The following TRPV3 variants were observed in gnomAD, a reference collection of about 807,000 sequenced individuals.
TRPV3 encodes the protein VRL-3.
In TRPV3, 88 loss-of-function variants were observed where a neutral mutation model predicts 87.1. That is an observed-to-expected ratio of 1.01 (90% CI 0.85 to 1.21). The LOEUF is 1.21. TRPV3 is among the 50% of genes most tolerant of loss of function. The pLI is 0.00. For synonymous variants in TRPV3, 438 were observed against 423.3 expected (o/e 1.03, Z -0.43); for missense variants, 1,054 against 1,030.1 (o/e 1.02, Z -0.32).
intron 12 of TRPV3, among the ~76,000 whole-genome samples, chr17:3,526,013 T>C (rs907824169): frequency 1.3e-5 from 2 of 152,186 alleles, no homozygotes; most frequent in Non-Finnish European, 1.5e-5. Context: ...ACATCCATTA[T>C]GCAGACATCT....
intron 6 of TRPV3, among the ~76,000 whole-genome samples, chr17:3,537,958 G>C (rs1331036757): frequency 2.7e-5 from 4 of 150,792 alleles, no homozygotes; most frequent in African/African-American, 9.8e-5. Flanking sequence ...CAGCACTTTG[G>C]GAGGCTGAGG....
chr17:3,536,116 C>T (rs1336950162), intron 6 of TRPV3, among the ~76,000 whole-genome samples: 4 of 152,190 alleles, frequency 2.6e-5, no homozygotes, highest in Non-Finnish European at 5.9e-5. Context: ...CCTGGGACCT[C>T]AGAAGTTTAG....
intron 8 of TRPV3, among the ~76,000 whole-genome samples, chr17:3,531,413 C>A (rs906237005): frequency 1.3e-4 from 20 of 151,728 alleles, no homozygotes; most frequent in African/African-American, 4.8e-5. Flanking sequence ...AAGGCCAGGT[C>A]TCTCCGCCCC....
chr17:3,519,569 GATGGATGATTAA>G lies in TRPV3; in HGVS notation c.1811-731_1811-720del, dbSNP rs142630716. ...GGATGGACCAATTGATCGATGGATG[GATGGATGATTAA>G]ATGGATGAATGGATGGATGACTGGA... On this transcript the variant is annotated intron_variant, in intron 14 of 17. Transcript: ENST00000576742. 6.7e-3 allele frequency among the ~76,000 whole-genome samples: 881 copies of G among 132,276 alleles called. 2 individuals carry two copies. The highest frequency in any genetic ancestry group is 8.5e-3 in the Middle Eastern group (2 of 234). 86.8% of individuals were successfully genotyped at this position (132,276 alleles called of 152,430 possible).
intron 13 of TRPV3, among the ~76,000 whole-genome samples, 179 bp from the exon 14 acceptor site, chr17:3,521,218 C>A (rs2074242686): frequency 6.7e-6 from 1 of 150,240 alleles, no homozygotes; most frequent in Admixed American, 6.8e-5. Flanking sequence ...GATCCTGCCT[C>A]CTCCAGGAAG....
intron 13 of TRPV3, among the ~76,000 whole-genome samples, chr17:3,523,938 A>G (rs1163853378): frequency 2.0e-5 from 3 of 151,548 alleles, no homozygotes; most frequent in Non-Finnish European, 4.4e-5. Flanking sequence ...CAGTCGTTAA[A>G]TGTTTACCAG....
At chr17:3,542,435 C>T (rs578151841) in intron 6 of TRPV3, 87 bp downstream of exon 6, 2 of 1,471,434 alleles carry the variant, frequency 1.4e-6, no homozygotes, top group Non-Finnish European at 1.8e-6. Context: ...GCAGTGCCTC[C>T]ACGTGGCCTG....
chr17:3,553,771 C>T (rs146060518), intron 2 of TRPV3: 1 of 152,550 alleles, frequency 6.6e-6, no homozygotes. Flanking sequence ...GTCCCAAACT[C>T]CTTATCCTGA....
At chr17:3,551,199 A>T (rs1175741325) in intron 2 of TRPV3, among the ~76,000 whole-genome samples, 5 of 152,250 alleles carry the variant, frequency 3.3e-5, no homozygotes, top group South Asian at 2.1e-4. Context: ...AGCTCTTGGC[A>T]TCTGGAGCAC....
At chr17:3,514,840 A>G (rs1420722864) in intron 16 of TRPV3, among the ~76,000 whole-genome samples, 168 bp from the exon 17 acceptor site, 1 of 151,832 alleles carries the variant, frequency 6.6e-6, no homozygotes, top group Non-Finnish European at 1.5e-5. Context: ...TTGGAGTTTG[A>G]ACTCTATCCC....
chr17:3,526,243 T>C (rs1249907407), intron 12 of TRPV3, among the ~76,000 whole-genome samples: 1 of 152,080 alleles, frequency 6.6e-6, no homozygotes, highest in Admixed American at 6.6e-5. Context: ...TCTGCAAGGC[T>C]GAGGTGGGCA....
rs1324604408 is a variant in TRPV3 at position 3,511,986 on chromosome 17, T to A, written c.*1931A>T. 1 of 152,232 alleles carries A rather than the reference T, an allele frequency of 6.6e-6. No homozygotes were observed. The highest frequency in any genetic ancestry group is 6.5e-5 in the Admixed American group (1 of 15,286). 9.4% of individuals were successfully genotyped at this position (152,232 alleles called of 1,614,324 possible). A position where few individuals can be genotyped will look rare whatever the true frequency, so the allele number is the denominator to read the frequency against. On this transcript the variant is annotated 3_prime_UTR_variant, in exon 18 of 18. Transcript: ENST00000576742. The stretch of plus-strand genomic sequence containing the variant: ...CTTAATGCGGGTAGCTAACTCCAGA[T>A]GTGGAATGCTGATTTGTACAATCTC...
chr17:3,541,095 G>T (rs182099504), intron 6 of TRPV3, among the ~76,000 whole-genome samples: 1 of 152,358 alleles, frequency 6.6e-6, no homozygotes, highest in East Asian at 1.9e-4. Context: ...GCAGGGCGTG[G>T]TGGCTCACGC....
At position 3,554,777 on chromosome 17, in the gene TRPV3, A is replaced by G. The variant is rs760858069; in HGVS notation, c.74T>C (p.Ile25Thr). The G allele has an allele frequency of 6.2e-7, 1 of 1,612,948 alleles. No individual in the cohort carries two copies. Among genetic ancestry groups the G allele is most frequent in the Non-Finnish European group, 8.5e-7 (1 of 1,179,602 alleles). ...RVAAPSGNPA[I>T]LPEKRPAEIT... is the part of the protein sequence containing the mutation. The stretch of plus-strand genomic sequence containing the variant: ...CTCCGCCGGCCTCTTCTCTGGCAGG[A>G]TGGCAGGGTTCCCACTGGGGGCAGC... The change falls in exon 2 of 18, where the codon ATC (isoleucine) becomes ACC (threonine). Residue 25 changes from isoleucine to threonine, a missense_variant. Transcript: ENST00000576742.
At chr17:3,532,021 G>T (rs78169618) in intron 8 of TRPV3, among the ~76,000 whole-genome samples, 1 of 152,172 alleles carries the variant, frequency 6.6e-6, no homozygotes, top group Non-Finnish European at 1.5e-5. Context: ...TGAGGAACAC[G>T]CTTGGACCCC....
At chr17:3,537,150 G>T (rs2074415496) in intron 6 of TRPV3, among the ~76,000 whole-genome samples, 1 of 152,108 alleles carries the variant, frequency 6.6e-6, no homozygotes, top group Admixed American at 6.6e-5. Flanking sequence ...GTTTGACATA[G>T]GATCTTGCTG....
chr17:3,526,034 A>G (rs973262385), intron 12 of TRPV3, among the ~76,000 whole-genome samples: 1 of 152,208 alleles, frequency 6.6e-6, no homozygotes, highest in Non-Finnish European at 1.5e-5. Flanking sequence ...GGATAAAAAC[A>G]CTGTCTTATA....
At chr17:3,547,576 G>A (rs2074538386) in intron 2 of TRPV3, among the ~76,000 whole-genome samples, 1 of 152,184 alleles carries the variant, frequency 6.6e-6, no homozygotes, top group Non-Finnish European at 1.5e-5. Context: ...AGCCAAGATC[G>A]CACCATTGCA....
intron 2 of TRPV3, among the ~76,000 whole-genome samples, chr17:3,545,488 C>T (rs1174247061): frequency 1.3e-5 from 2 of 152,128 alleles, no homozygotes; most frequent in African/African-American, 4.8e-5. Flanking sequence ...AGCTGCGAGT[C>T]AAGTGTGAAA....
Sources: gnomAD v4.1 joint callset for allele counts (sites outside exome capture counted in the v4.1 genomes callset) on GRCh38, gnomAD v4.1.1 for gene constraint, MANE v1.5 for transcripts, NCBI Gene and HGNC (gene_info 2026-07-23, HGNC 2026-07-21) for gene names.